NR2F1-AS1: variants seen among roughly 807,000 people sequenced by gnomAD.
The protein encoded by NR2F1-AS1 is NR2F1 antisense RNA 1.
chr5:93,428,025 A>AG (rs1369482962), intron 4 of NR2F1-AS1, among the ~76,000 whole-genome samples: 2 of 152,182 alleles, frequency 1.3e-5, no homozygotes, highest in Admixed American at 6.5e-5. Flanking sequence ...TCCACTTCAT[A>AG]AACTATATCA....
intron 4 of NR2F1-AS1, among the ~76,000 whole-genome samples, chr5:93,490,940 GGGA>G: frequency 6.8e-6 from 1 of 147,200 alleles, no homozygotes; most frequent in East Asian, 2.1e-4. Context: ...TGGTGGTGGT[GGGA>G]GTGGTGGTGG....
chr5:93,446,401 C>T (rs1268083736), intron 4 of NR2F1-AS1, among the ~76,000 whole-genome samples: 2 of 152,134 alleles, frequency 1.3e-5, no homozygotes, highest in Non-Finnish European at 2.9e-5. Context: ...TTCCTATACA[C>T]CAATAACAGA....
At chr5:93,518,335 G>C (rs1751437777) in intron 4 of NR2F1-AS1, among the ~76,000 whole-genome samples, 1 of 152,038 alleles carries the variant, frequency 6.6e-6, no homozygotes, top group Admixed American at 6.6e-5. Context: ...TTAGACTGAT[G>C]GTCTTACAAT....
At chr5:93,570,424 T>C (rs1053552787) in intron 1 of NR2F1-AS1, 18 of 152,688 alleles carry the variant, frequency 1.2e-4, no homozygotes, top group African/African-American at 4.3e-4. Context: ...AGAGGCTAAA[T>C]GGGGAAGTTG....
chr5:93,416,141 A>C (rs1748963473), intron 4 of NR2F1-AS1, among the ~76,000 whole-genome samples: 2 of 152,218 alleles, frequency 1.3e-5, no homozygotes, highest in African/African-American at 4.8e-5. Flanking sequence ...GGGAAACAAG[A>C]AGATGAAAAT....
chr5:93,578,036 G>A (rs914137202), intron 1 of NR2F1-AS1, among the ~76,000 whole-genome samples: 1 of 152,078 alleles, frequency 6.6e-6, no homozygotes, highest in Non-Finnish European at 1.5e-5. Context: ...AATGACTTTC[G>A]GGAGACCAAG....
intron 4 of NR2F1-AS1, among the ~76,000 whole-genome samples, chr5:93,461,360 C>T (rs1053304083): frequency 6.6e-6 from 1 of 152,034 alleles, no homozygotes; most frequent in African/African-American, 2.4e-5. Flanking sequence ...GGGAGAGCAT[C>T]AGGAAGAACA....
At chr5:93,548,642 C>T (rs896978662) in intron 4 of NR2F1-AS1, among the ~76,000 whole-genome samples, 1 of 151,802 alleles carries the variant, frequency 6.6e-6, no homozygotes, top group Non-Finnish European at 1.5e-5. Context: ...GTGGGTGGAT[C>T]ATTTGAGATC....
chr5:93,571,939 C>G (rs1752778539), intron 1 of NR2F1-AS1, among the ~76,000 whole-genome samples: 1 of 152,016 alleles, frequency 6.6e-6, no homozygotes, highest in South Asian at 2.1e-4. Context: ...ATTTGACCCT[C>G]TAGAGACTCA....
intron 4 of NR2F1-AS1, among the ~76,000 whole-genome samples, chr5:93,460,579 A>G (rs546342994): frequency 1.3e-4 from 20 of 152,300 alleles, no homozygotes; most frequent in Non-Finnish European, 1.8e-4. Context: ...AAAGATGAAG[A>G]CAACTAGTAC....
At chr5:93,525,940 A>T (rs562882486) in intron 4 of NR2F1-AS1, among the ~76,000 whole-genome samples, 106 of 152,312 alleles carry the variant, frequency 7.0e-4, no homozygotes, top group Admixed American at 6.3e-3. Flanking sequence ...CATCACAATT[A>T]AAAGAACTAG....
Position 93,531,336 on chromosome 5 carries a change from C to T in NR2F1-AS1, n.638+22425G>A, listed in dbSNP as rs569447286. ...AAAATTGTATTTGACTGTTCTAAAA[C>T]GAAGGAAGAAATCAGACTTTATGAA... On this transcript the variant is annotated intron_variant and non_coding_transcript_variant, in intron 4 of 5. Coordinates refer to ENST00000660523, the Ensembl canonical transcript of NR2F1-AS1. Among the ~76,000 whole-genome samples the T allele has an allele frequency of 5.9e-5, 9 of 152,060 alleles. No homozygotes were observed. The South Asian group carries it at 6.2e-4, about 11-fold the overall frequency.
rs919667903 is a variant in NR2F1-AS1, at chr5:93,579,394, C to G, written n.313+1073G>C. Among the ~76,000 whole-genome samples the G allele has an allele frequency of 6.6e-6, 1 of 152,156 alleles. No homozygotes were observed. The highest frequency in any genetic ancestry group is 2.4e-5 in the African/African-American group (1 of 41,458). On this transcript the variant is annotated intron_variant and non_coding_transcript_variant, in intron 1 of 5. Coordinates refer to ENST00000660523, the Ensembl canonical transcript of NR2F1-AS1. The surrounding 1 kb of genome is among the most constrained non-coding windows in gnomAD (Gnocchi z 5.1). The stretch of plus-strand genomic sequence containing the variant: ...CCTCGCGGGCCCAACTTCTCCCCAC[C>G]GCTAGGGTCACGCCGGGTCCCAGGG...
At chr5:93,424,301 T>C (rs569691085) in intron 4 of NR2F1-AS1, among the ~76,000 whole-genome samples, 2 of 147,206 alleles carry the variant, frequency 1.4e-5, no homozygotes, top group Admixed American at 1.4e-4. Context: ...AAGTACATTA[T>C]ATTATATTTT....
At chr5:93,582,812 G>A (rs893260723), upstream of NR2F1-AS1, among the ~76,000 whole-genome samples, 8 of 151,724 alleles carry the variant, frequency 5.3e-5, no homozygotes, top group Admixed American at 2.6e-4. Flanking sequence ...GACCATAGAC[G>A]ACCCATACTA....
upstream of NR2F1-AS1, chr5:93,583,307 TCTCTCTCTCTCTCTCTC>T (rs1448236353): frequency 1.3e-5 from 2 of 148,958 alleles, no homozygotes; most frequent in African/African-American, 4.9e-5. Context: ...TCTTCTCTTC[TCTCTCTCTCTCTCTCTC>T]CTCTCTCTCT....
At chr5:93,569,044 T>C (rs1424812911) in intron 1 of NR2F1-AS1, among the ~76,000 whole-genome samples, 4 of 152,114 alleles carry the variant, frequency 2.6e-5, no homozygotes, top group African/African-American at 9.7e-5. Context: ...CCTTAAAAAT[T>C]AGGAAAAGCA....
chr5:93,550,036 G>A (rs979282679), intron 4 of NR2F1-AS1, among the ~76,000 whole-genome samples: 9 of 151,578 alleles, frequency 5.9e-5, no homozygotes, highest in Admixed American at 5.9e-4. Context: ...AATGGGTGCA[G>A]CAAACCACCA....
At chr5:93,485,491 C>T (rs1352044470) in intron 4 of NR2F1-AS1, among the ~76,000 whole-genome samples, 3 of 152,102 alleles carry the variant, frequency 2.0e-5, no homozygotes, top group African/African-American at 7.2e-5. Flanking sequence ...AGCACTAACG[C>T]CCTGAGGAGA....
Sources: gnomAD v4.1 joint callset for allele counts (sites outside exome capture counted in the v4.1 genomes callset) on GRCh38, gnomAD v4.1.1 for gene constraint, Gnocchi (gnomAD v3.1) non-coding constraint, MANE v1.5 for transcripts, NCBI Gene and HGNC (gene_info 2026-07-23, HGNC 2026-07-21) for gene names.